ELF1: variants seen among roughly 807,000 people sequenced by gnomAD.
ELF1 encodes the protein ETS-related transcription factor Elf-1.
In ELF1, 24 loss-of-function variants were observed where a neutral mutation model predicts 59.9. The observed-to-expected ratio is 0.40, with a 90% CI of 0.29 to 0.56. The LOEUF (loss-of-function observed/expected upper bound fraction) is 0.56, where lower values mean the gene tolerates loss of function less well. Ranked by LOEUF, ELF1 falls within the 20% of genes least tolerant of loss-of-function variation. The pLI is 0.44. For synonymous variants in ELF1, 248 were observed against 266.2 expected (o/e 0.93, Z 0.67); for missense variants, 627 against 742.2 (o/e 0.84, Z 1.80).
chr13:40,980,949 C>T (rs1266167736), intron 2 of ELF1, among the ~76,000 whole-genome samples: 1 of 152,142 alleles, frequency 6.6e-6, no homozygotes, highest in Non-Finnish European at 1.5e-5. Flanking sequence ...TCCAAATCCT[C>T]ACCTTTTGTA....
At chr13:40,971,724 G>A (rs1403361915) in intron 2 of ELF1, among the ~76,000 whole-genome samples, 2 of 152,206 alleles carry the variant, frequency 1.3e-5, no homozygotes, top group Non-Finnish European at 1.5e-5. Flanking sequence ...TAGTGTAACT[G>A]TGTCATGACA....
At chr13:40,992,021 T>C (rs111655816) in intron 1 of ELF1, among the ~76,000 whole-genome samples, 1,561 of 152,248 alleles carry the variant, frequency 0.01, 24 homozygotes, top group African/African-American at 0.034. Context: ...TGGAAAAAAA[T>C]AGGGGAAAGT....
At chr13:41,010,324 T>A (rs1169771242) in intron 1 of ELF1, among the ~76,000 whole-genome samples, 2 of 147,634 alleles carry the variant, frequency 1.4e-5, no homozygotes, top group African/African-American at 5.0e-5. Context: ...GTCATAGTGG[T>A]ATGCACTTGT....
At chr13:41,004,754 C>T (rs914847170) in intron 1 of ELF1, among the ~76,000 whole-genome samples, 3 of 151,950 alleles carry the variant, frequency 2.0e-5, no homozygotes, top group African/African-American at 4.8e-5. Flanking sequence ...AATTCAAATG[C>T]CAATTTTTTT....
intron 2 of ELF1, among the ~76,000 whole-genome samples, chr13:40,965,207 C>G (rs1872101390): frequency 6.6e-6 from 1 of 152,148 alleles, no homozygotes; most frequent in Non-Finnish European, 1.5e-5. Flanking sequence ...TTTTTCCACA[C>G]CATTTCAAAC....
intron 1 of ELF1, among the ~76,000 whole-genome samples, chr13:40,987,741 A>T (rs1873635935): frequency 6.6e-6 from 1 of 152,176 alleles, no homozygotes; most frequent in Non-Finnish European, 1.5e-5. Context: ...TGTAATTCAG[A>T]CTGTGTCTGT....
upstream of ELF1, among the ~76,000 whole-genome samples, chr13:41,024,200 C>T (rs1219114299): frequency 1.3e-5 from 2 of 152,126 alleles, no homozygotes; most frequent in African/African-American, 4.8e-5. Flanking sequence ...GAATGTACCC[C>T]TGAAGGAGCT....
upstream of ELF1, among the ~76,000 whole-genome samples, chr13:41,019,893 A>G (rs1875621919): frequency 6.6e-6 from 1 of 152,218 alleles, no homozygotes; most frequent in Non-Finnish European, 1.5e-5. Flanking sequence ...TGTGAATTAA[A>G]CTGGTTTACA....
intron 1 of ELF1, among the ~76,000 whole-genome samples, chr13:41,003,055 AT>A (rs1467725100): frequency 6.6e-6 from 1 of 152,194 alleles, no homozygotes; most frequent in African/African-American, 2.4e-5. Flanking sequence ...ACAGTAAAAG[AT>A]TAGTGTTTTC....
intron 1 of ELF1, among the ~76,000 whole-genome samples, chr13:41,045,337 G>C (rs1035333046): frequency 1.3e-5 from 2 of 151,530 alleles, no homozygotes; most frequent in African/African-American, 2.4e-5. Context: ...GCTAGCTTTT[G>C]AATTTGTTTG....
At chr13:40,972,751 C>T (rs1490924434) in intron 2 of ELF1, among the ~76,000 whole-genome samples, 5 of 152,068 alleles carry the variant, frequency 3.3e-5, no homozygotes, top group Admixed American at 6.5e-5. Context: ...TAAAGTTACA[C>T]AGCTAGAGCC....
intron 8 of ELF1, among the ~76,000 whole-genome samples, chr13:40,935,641 C>T (rs1398489317): frequency 6.6e-6 from 1 of 151,600 alleles, no homozygotes; most frequent in Non-Finnish European, 1.5e-5. Flanking sequence ...AGATGGGAGC[C>T]TGGGTACAGT....
In ELF1 at chr13:41,058,449, CCT is replaced by C. The variant is rs1038302838; in HGVS notation, c.-229+2387_-229+2388del. On this transcript the variant is annotated intron_variant, in intron 1 of 1. Coordinates refer to the ELF1 transcript ENST00000405737. The stretch of plus-strand genomic sequence containing the variant: ...TCCCTTGAGCAGAACCGATTCCTCA[CCT>C]CTGTTACTCCAGTAGCACTTCTACA... 2.9e-4 allele frequency among the ~76,000 whole-genome samples: 44 copies of C among 152,240 alleles called. 1 individual carries two copies. The highest frequency in any genetic ancestry group is 1.0e-4 in the Non-Finnish European group (7 of 68,046).
intron 7 of ELF1, among the ~76,000 whole-genome samples, chr13:40,941,695 T>C (rs1482045483): frequency 6.6e-6 from 1 of 152,206 alleles, no homozygotes; most frequent in African/African-American, 2.4e-5. Context: ...TCTTGCTCTG[T>C]TGCCCAGGCT....
chr13:40,966,683 A>G (rs1872193053), intron 2 of ELF1, among the ~76,000 whole-genome samples: 1 of 152,230 alleles, frequency 6.6e-6, no homozygotes, highest in Non-Finnish European at 1.5e-5. Flanking sequence ...TTTGGGTATC[A>G]AAAAGCACAA....
At chr13:40,975,998 G>A (rs146184571) in intron 2 of ELF1, among the ~76,000 whole-genome samples, 1 of 152,264 alleles carries the variant, frequency 6.6e-6, no homozygotes, top group African/African-American at 2.4e-5. Context: ...GATGGCAAAC[G>A]TGAGACTGAT....
chr13:40,933,895 G>A lies in ELF1; in HGVS notation c.1390C>T (p.Gln464Ter), dbSNP rs1869587109. The A allele has an allele frequency of 6.2e-7, 1 of 1,614,224 alleles. No individual in the cohort carries two copies. The highest frequency in any genetic ancestry group is 8.5e-7 in the Non-Finnish European group (1 of 1,180,044). Residue 464 changes from glutamine to a stop codon, truncating the protein, a stop_gained, in exon 9 of 9, where the codon CAG becomes TAG. Coordinates refer to ENST00000239882, the MANE Select transcript of ELF1 (RefSeq NM_172373.4). LOFTEE classifies it high-confidence loss of function. ...STDPSAGTGS[Q>*]KFILQAIPSS... ...GGAATGGCTTGTAAAATAAACTTCT[G>A]AGATCCAGTACCTGCTGATGGATCT... is the stretch of plus-strand genomic sequence containing the variant.
At chr13:40,956,237 C>A (rs928281088) in intron 3 of ELF1, among the ~76,000 whole-genome samples, 1 of 151,798 alleles carries the variant, frequency 6.6e-6, no homozygotes. Context: ...AAGAAAAATT[C>A]TTCTGCCTTG....
intron 4 of ELF1, 96 bp downstream of exon 4, chr13:40,951,233 A>C (rs1393764603): frequency 3.8e-5 from 39 of 1,016,618 alleles, no homozygotes; most frequent in Non-Finnish European, 5.3e-5. Context: ...CAAAAAATAT[A>C]TAACATCATT....
Sources: allele counts gnomAD v4.1 joint callset (sites outside exome capture counted in the v4.1 genomes callset), GRCh38; gene constraint gnomAD v4.1.1; transcripts MANE v1.5; gene names NCBI Gene and HGNC (gene_info 2026-07-23, HGNC 2026-07-21).